PRRC2C: variants seen among roughly 807,000 people sequenced by gnomAD.
PRRC2C encodes proline rich coiled-coil 2C.
PRRC2C carries 72 observed loss-of-function variants against 317.2 expected under a neutral mutation model. The observed-to-expected ratio is 0.23, with a 90% confidence interval of 0.19 to 0.28. PRRC2C has a LOEUF of 0.28. Ranked by LOEUF, PRRC2C falls within the 10% of genes least tolerant of loss-of-function variation. The pLI, the probability that PRRC2C is intolerant of heterozygous loss-of-function variation, is 1.00. For missense variants in PRRC2C, 3,074 were observed against 3,459.7 expected, an observed-to-expected ratio of 0.89 and a Z score of 2.80; for synonymous variants, 1,296 against 1,205.9, an observed-to-expected ratio of 1.07 and a Z score of -1.55.
chr1:171,538,305 T>C (rs769437334), intron 15 of PRRC2C, among the ~76,000 whole-genome samples: 8 of 152,196 alleles, frequency 5.3e-5, no homozygotes, highest in Non-Finnish European at 8.8e-5. Flanking sequence ...AGAGTAGGTG[T>C]GAAGAAATTT....
At chr1:171,573,673 C>CTTTTTTTTTT (rs1024285954) in intron 24 of PRRC2C, among the ~76,000 whole-genome samples, 39 of 85,804 alleles carry the variant, frequency 4.5e-4, no homozygotes, top group East Asian at 7.9e-4. Flanking sequence ...TCTCAAAATT[C>CTTTTTTTTTT]TTTTTTTTTT....
chr1:171,586,788 A>G (rs1050441396), intron 30 of PRRC2C, among the ~76,000 whole-genome samples: 4 of 150,860 alleles, frequency 2.7e-5, no homozygotes, highest in Admixed American at 2.0e-4. Flanking sequence ...GGGTTTCACC[A>G]TGTTGGCCAG....
At chr1:171,490,795 A>C (rs1476835762) in intron 1 of PRRC2C, among the ~76,000 whole-genome samples, 1 of 152,176 alleles carries the variant, frequency 6.6e-6, no homozygotes, top group Non-Finnish European at 1.5e-5. Flanking sequence ...TTAAAGGGGG[A>C]AGAGGGAAAA....
intron 10 of PRRC2C, among the ~76,000 whole-genome samples, chr1:171,526,618 G>T (rs111840721): frequency 1.2e-3 from 187 of 151,534 alleles, no homozygotes; most frequent in African/African-American, 4.0e-3. Context: ...GATTACAGGC[G>T]TGAGGCACCA....
intron 1 of PRRC2C, among the ~76,000 whole-genome samples, chr1:171,486,791 C>T (rs548151713): frequency 6.3e-4 from 96 of 152,082 alleles, no homozygotes; most frequent in Non-Finnish European, 6.8e-4. Context: ...CTTACTCCTG[C>T]AAATAAAAAT....
In PRRC2C at chr1:171,574,724, G is replaced by T. The variant is rs235509; in HGVS notation, c.6754-203G>T. ...TGATACACTCTCACACTCCCAATTTGAGTAATGGAGCAAAGATAAAGAGGC... is the reference window on the plus strand; with the variant it reads ...TGATACACTCTCACACTCCCAATTTTAGTAATGGAGCAAAGATAAAGAGGC... On this transcript the variant is annotated intron_variant, in intron 24 of 34. Coordinates refer to ENST00000647382, the MANE Select transcript of PRRC2C (RefSeq NM_001387844.1). Among the ~76,000 whole-genome samples, 121,207 of 152,060 alleles carry T rather than the reference G, an allele frequency of 0.8. 48,459 individuals carry two copies. Among genetic ancestry groups the T allele is most frequent in the Middle Eastern group, 0.89 (262 of 294 alleles).
rs1380240837 is a variant in PRRC2C at position 171,552,859 on chromosome 1, G to C, written c.5127+2619G>C. On this transcript the variant is annotated intron_variant, in intron 18 of 34. Coordinates refer to ENST00000647382, the MANE Select transcript of PRRC2C (RefSeq NM_001387844.1). Reference sequence around the variant, plus strand: ...GCTTTCTGATGTGCTGCTGGATTTGGTTGACCAGTATTTTATTGAGGATTT... The same window carrying C: ...GCTTTCTGATGTGCTGCTGGATTTGCTTGACCAGTATTTTATTGAGGATTT... Among the ~76,000 whole-genome samples the C allele has an allele frequency of 2.6e-5, 4 of 152,152 alleles. No homozygotes were observed. The South Asian group carries it at 8.3e-4, about 32-fold the overall frequency.
chr1:171,546,836 C>T (rs1388032316), intron 17 of PRRC2C, among the ~76,000 whole-genome samples: 1 of 151,804 alleles, frequency 6.6e-6, no homozygotes, highest in Non-Finnish European at 1.5e-5. Context: ...CAGGTCGGTC[C>T]GGAACTCCTG....
chr1:171,536,583 G>GC (rs1383543921), intron 14 of PRRC2C, among the ~76,000 whole-genome samples: 2 of 152,020 alleles, frequency 1.3e-5, no homozygotes, highest in Non-Finnish European at 2.9e-5. Context: ...AGTGTTTTCA[G>GC]CGTTTGAATT....
intron 11 of PRRC2C, among the ~76,000 whole-genome samples, chr1:171,531,115 A>G (rs1432360107): frequency 6.6e-6 from 1 of 152,224 alleles, no homozygotes; most frequent in Non-Finnish European, 1.5e-5. Context: ...AGCTAGCACA[A>G]AAGAGAATAT....
intron 27 of PRRC2C, 41 bp downstream of exon 27, chr1:171,579,507 G>A (rs371979930): frequency 7.3e-5 from 116 of 1,598,938 alleles, no homozygotes; most frequent in Non-Finnish European, 8.9e-5. Flanking sequence ...TTGTTCCTTC[G>A]CATTTCTGTG....
At chr1:171,584,955 T>TA (rs1649519643) in intron 30 of PRRC2C, among the ~76,000 whole-genome samples, 1 of 152,192 alleles carries the variant, frequency 6.6e-6, no homozygotes, top group African/African-American at 2.4e-5. Context: ...TTCGTAGTTT[T>TA]TGTAGAGACA....
chr1:171,535,134 T>C (rs1676579569), intron 12 of PRRC2C, among the ~76,000 whole-genome samples: 2 of 152,066 alleles, frequency 1.3e-5, no homozygotes, highest in Middle Eastern at 3.4e-3. Flanking sequence ...AAAAAATATG[T>C]GGAGTTGGAA....
rs574284503 is a variant in PRRC2C, at chr1:171,521,182, C to T, written c.751-995C>T. 3.3e-5 allele frequency among the ~76,000 whole-genome samples: 5 copies of T among 152,266 alleles called. No individual in the cohort carries two copies. The South Asian group carries it at 1.0e-3, about 32-fold the overall frequency. On this transcript the variant is annotated intron_variant, in intron 6 of 34. Coordinates refer to ENST00000647382, the MANE Select transcript of PRRC2C (RefSeq NM_001387844.1). ...TGTAAGAATTTTCTTATCTAACACA[C>T]AGTTACTACTTACTTTTTAGAAAAA...
At chr1:171,548,230 A>G (rs1056390590) in intron 17 of PRRC2C, among the ~76,000 whole-genome samples, 4 of 152,168 alleles carry the variant, frequency 2.6e-5, no homozygotes, top group African/African-American at 7.2e-5. Flanking sequence ...TGGCCTCCCA[A>G]AGTGCTGGGA....
At chr1:171,487,453 C>T (rs568408424) in intron 1 of PRRC2C, among the ~76,000 whole-genome samples, 1 of 152,274 alleles carries the variant, frequency 6.6e-6, no homozygotes, top group Admixed American at 6.5e-5. Flanking sequence ...AATATTGTTG[C>T]ATGCTAAGGT....
At chr1:171,566,499 ACTTAATTTTAATGAATAT>A in intron 21 of PRRC2C, 75 bp from the exon 22 acceptor site, 1 of 1,479,418 alleles carries the variant, frequency 6.8e-7, no homozygotes, top group Non-Finnish European at 9.0e-7. Context: ...TTAAAAGTGA[ACTTAATTTTAATGAATAT>A]CTTTGATCAT....
At chr1:171,560,784 G>A (rs1682531867) in intron 19 of PRRC2C, among the ~76,000 whole-genome samples, 1 of 152,126 alleles carries the variant, frequency 6.6e-6, no homozygotes, top group Admixed American at 6.5e-5. Flanking sequence ...AGTGTGATTT[G>A]CTTTATTGCA....
chr1:171,542,258 T>G, intron 16 of PRRC2C, 29 bp downstream of exon 16: 2 of 1,455,982 alleles, frequency 1.4e-6, no homozygotes, highest in Non-Finnish European at 1.8e-6. Flanking sequence ...ATATAGTTGC[T>G]TTTGCACCTT....
Sources: allele counts gnomAD v4.1 joint callset (sites outside exome capture counted in the v4.1 genomes callset), GRCh38; gene constraint gnomAD v4.1.1; transcripts MANE v1.5; gene names NCBI Gene and HGNC (gene_info 2026-07-23, HGNC 2026-07-21).